FAM72A: variants seen among roughly 807,000 people sequenced by gnomAD.
FAM72A encodes regulator of UNG2 and MKLN1 interacting yippee protein 1, also known as protein FAM72A.
FAM72A carries 1 observed loss-of-function variant against 11.3 expected under a neutral mutation model. The ratio of observed to expected loss-of-function variants is 0.09; its 90% CI spans 0.03 to 0.42. The LOEUF (loss-of-function observed/expected upper bound fraction) is 0.42, where lower values mean the gene tolerates loss of function less well. FAM72A is among the 10% of genes least tolerant of loss of function. The pLI, the probability that FAM72A is intolerant of heterozygous loss-of-function variation, is 0.98. For synonymous variants in FAM72A, 5 were observed against 46.9 expected (o/e 0.11, Z 3.65); for missense variants, 15 against 135.5 (o/e 0.11, Z 4.41).
chr1:206,190,803 C>T (rs1571524802), intron 3 of FAM72A, among the ~76,000 whole-genome samples: 1 of 150,130 alleles, frequency 6.7e-6, no homozygotes, highest in African/African-American at 2.5e-5. Context: ...CCTGGGAGGT[C>T]GAGGCTGCAG....
In FAM72A at chr1:206,187,356, A is replaced by G; in HGVS notation, c.373T>C (p.Trp125Arg). The G allele has an allele frequency of 6.2e-7, 1 of 1,611,704 alleles. No homozygotes were observed. Among genetic ancestry groups the G allele is most frequent in the South Asian group, 1.1e-5 (1 of 90,940 alleles). ...TCTTCTATCTCTGGCAAGTTGCCCC[A>G]AAGTAGGACGTTTACACCTGAAAAT... ...LDSTGVNVLL[W>R]GNLPEIEEST... The change falls in exon 4 of 4, where the codon TGG (tryptophan) becomes CGG (arginine). Residue 125 changes from tryptophan to arginine, a missense_variant. This residue lies in a region of FAM72A where 10 missense variants were observed against 35.1 expected (regional missense o/e 0.29). Transcript: ENST00000367128.
intron 2 of FAM72A, among the ~76,000 whole-genome samples, chr1:206,198,573 T>TTCTAAATACAAACCCCA (rs1553298680): frequency 6.7e-6 from 1 of 149,856 alleles, no homozygotes; most frequent in African/African-American, 2.4e-5. Context: ...TACAAACCCC[T>TTCTAAATACAAACCCCA]TCTAAATACA....
At chr1:206,190,535 A>G (rs1371712019) in intron 3 of FAM72A, among the ~76,000 whole-genome samples, 2 of 149,356 alleles carry the variant, frequency 1.3e-5, no homozygotes, top group South Asian at 2.2e-4. Context: ...TAAAACTTGC[A>G]TTTAGGAACC....
rs201019856 is a variant in FAM72A at position 206,199,824 on chromosome 1, G to A, written c.213C>T (p.Asp71=). 6 of 696,498 alleles carry A rather than the reference G, an allele frequency of 8.6e-6. No individual in the cohort carries two copies. The highest frequency in any genetic ancestry group is 1.5e-5 in the Non-Finnish European group (6 of 400,456). 43.1% of individuals were successfully genotyped at this position (696,498 alleles called of 1,614,324 possible). A position where few individuals can be genotyped will look rare whatever the true frequency, so the allele number is the denominator to read the frequency against. ...FTKICKCKLK[D]IACLKCGNIV... ...CAAATTACCATTTTAAACATGCGAT[G>A]TCCTTCAGTTTACATTTGCAGATTT... Residue 71 remains aspartate, a synonymous_variant, in exon 2 of 4, where the codon GAC becomes GAT. Coordinates refer to ENST00000367128, the MANE Select transcript of FAM72A (RefSeq NM_001123168.3).
Position 206,187,142 on chromosome 1 carries a change from G to A in FAM72A, c.*137C>T, listed in dbSNP as rs1307548406. 8 of 1,101,706 alleles carry A rather than the reference G, an allele frequency of 7.3e-6. No individual in the cohort carries two copies. Among genetic ancestry groups the A allele is most frequent in the Middle Eastern group, 3.2e-4 (1 of 3,136 alleles). 68.2% of individuals were successfully genotyped at this position (1,101,706 alleles called of 1,614,324 possible). Reference sequence around the variant, plus strand: ...CAAACTGAGGTAACTAATTAGAGACGGAAAATAAATAAATCAACAAATGCC... The same window carrying A: ...CAAACTGAGGTAACTAATTAGAGACAGAAAATAAATAAATCAACAAATGCC... On this transcript the variant is annotated 3_prime_UTR_variant, in exon 4 of 4. Coordinates refer to ENST00000367128, the MANE Select transcript of FAM72A (RefSeq NM_001123168.3).
chr1:206,197,912 TCAAAA>T (rs1231521456), intron 2 of FAM72A, among the ~76,000 whole-genome samples: 1 of 150,742 alleles, frequency 6.6e-6, no homozygotes, highest in Admixed American at 6.6e-5. Flanking sequence ...AGACTCCGTC[TCAAAA>T]CAAAACAAAA....
At chr1:206,203,574 T>A (rs1553299841), upstream of FAM72A, 1 of 573,202 alleles carries the variant, frequency 1.7e-6, no homozygotes, top group African/African-American at 1.9e-5. Context: ...TAGAAACGGG[T>A]GGCGGGGAAG....
At chr1:206,198,763 A>C (rs1665205438) in intron 2 of FAM72A, among the ~76,000 whole-genome samples, 1 of 147,032 alleles carries the variant, frequency 6.8e-6, no homozygotes, top group African/African-American at 2.5e-5. Context: ...AAGATTATTA[A>C]ATTTCTATCT....
At chr1:206,199,738 TTCTC>T in intron 2 of FAM72A, 65 bp downstream of exon 2, 1 of 510,056 alleles carries the variant, frequency 2.0e-6, no homozygotes, top group Non-Finnish European at 3.4e-6. Context: ...CACTGAACCT[TTCTC>T]TATGCTTTGG....
chr1:206,197,215 C>G (rs1665112944), intron 2 of FAM72A, among the ~76,000 whole-genome samples: 1 of 152,272 alleles, frequency 6.6e-6, no homozygotes, highest in Admixed American at 6.5e-5. Context: ...AGGCACTGCT[C>G]TAGGTGCTAG....
chr1:206,204,914 C>CG (rs1553300721), upstream of FAM72A: 3 of 137,764 alleles, frequency 2.2e-5, no homozygotes, highest in African/African-American at 9.6e-5. Flanking sequence ...TTTGCCCCCC[C>CG]CCCCATCAAC....
upstream of FAM72A, chr1:206,203,212 C>T (rs1558210358): frequency 8.9e-6 from 3 of 337,946 alleles, no homozygotes; most frequent in Non-Finnish European, 1.6e-5. Flanking sequence ...TTAAAACTCC[C>T]CGCAACACCC....
chr1:206,203,208 C>T (rs527295569), upstream of FAM72A: 3,874 of 325,174 alleles, frequency 0.012, 38 homozygotes, highest in Middle Eastern at 0.029. Context: ...TTGGTTAAAA[C>T]TCCCCGCAAC....
At chr1:206,196,118 ATTG>A (rs1233347592) in intron 2 of FAM72A, among the ~76,000 whole-genome samples, 1 of 147,692 alleles carries the variant, frequency 6.8e-6, no homozygotes, top group Non-Finnish European at 1.5e-5. Context: ...TATTATTATT[ATTG>A]AGACCGAGTT....
chr1:206,203,209 T>G (rs564681609), upstream of FAM72A: 215 of 331,636 alleles, frequency 6.5e-4, 3 homozygotes, highest in African/African-American at 4.2e-3. Context: ...TGGTTAAAAC[T>G]CCCCGCAACA....
At chr1:206,203,504 C>T (rs1278753747), upstream of FAM72A, 10 of 484,114 alleles carry the variant, frequency 2.1e-5, no homozygotes, top group South Asian at 4.0e-5. Context: ...GGCTCTACTT[C>T]CCGGCGGGGT....
rs1448291826 is a variant in FAM72A, at chr1:206,191,604, C to T, written c.355+4148G>A. Among the ~76,000 whole-genome samples, 18 of 139,912 alleles carry T rather than the reference C, an allele frequency of 1.3e-4. 1 individual carries two copies. The highest frequency in any genetic ancestry group is 5.1e-4 in the African/African-American group (18 of 35,188). 91.8% of individuals were successfully genotyped at this position (139,912 alleles called of 152,430 possible). On this transcript the variant is annotated intron_variant, in intron 3 of 3. Transcript: ENST00000367128. ...ATCAGCCTGGGAAACAAGAGTGAAACTCTGTCTCAAAAAAAAAAAAAAAGA... is the reference window on the plus strand; with the variant it reads ...ATCAGCCTGGGAAACAAGAGTGAAATTCTGTCTCAAAAAAAAAAAAAAAGA...
intron 2 of FAM72A, among the ~76,000 whole-genome samples, chr1:206,198,907 T>TAAAAA (rs544163968): frequency 1.4e-3 from 91 of 63,552 alleles, no homozygotes; most frequent in African/African-American, 5.1e-3. Flanking sequence ...CTGTCTCTAC[T>TAAAAA]AAAAAAAAAA....
At position 206,187,365 on chromosome 1, in the gene FAM72A, C is replaced by T. The variant is rs1292146499; in HGVS notation, c.364G>A (p.Val122Ile). 47 of 1,611,196 alleles carry T rather than the reference C, an allele frequency of 2.9e-5. No individual in the cohort carries two copies. In the East Asian group the frequency reaches 4.2e-4, roughly 15 times the overall value. ...TCTGGCAAGTTGCCCCAAAGTAGGA[C>T]GTTTACACCTGAAAATAAAAAGTCA... Reference protein sequence around the residue: ...INRLDSTGVNVLLWGNLPEIE... With the variant: ...INRLDSTGVNILLWGNLPEIE... The change falls in exon 4 of 4, where the codon GTC (valine) becomes ATC (isoleucine). Residue 122 changes from valine (V) to isoleucine (I), a missense_variant. Physicochemically the swap from Val to Ile is conservative, Grantham distance 29. This residue lies in a region of FAM72A where 10 missense variants were observed against 35.1 expected (regional missense o/e 0.29). Transcript: ENST00000367128.
Sources: gnomAD v4.1 joint callset for allele counts (sites outside exome capture counted in the v4.1 genomes callset) on GRCh38, gnomAD v4.1.1 for gene constraint, gnomAD v4.1.1 regional missense constraint, MANE v1.5 for transcripts, NCBI Gene and HGNC (gene_info 2026-07-23, HGNC 2026-07-21) for gene names.